The following PIK3CD variants were observed in gnomAD, a reference collection of about 807,000 sequenced individuals.
PIK3CD encodes the protein phosphatidylinositol 4,5-bisphosphate 3-kinase catalytic subunit delta isoform.
Under a neutral mutation model 122.9 loss-of-function variants are expected in PIK3CD, and 20 were observed. The observed-to-expected ratio is 0.16, with a 90% CI of 0.11 to 0.24. The LOEUF is 0.24. Among genes scored for constraint, PIK3CD ranks in the 10% least tolerant of loss-of-function variants. The probability of loss-of-function intolerance (pLI) is 1.00; values close to 1 mark genes in which losing one functional copy is unlikely to be tolerated. For missense variants in PIK3CD, 787 were observed against 1,406.3 expected (o/e 0.56, Z 7.04); for synonymous variants, 596 against 593.4 (o/e 1.00, Z -0.06).
At chr1:9,638,279 C>T in the PIK3CD span, among the ~76,000 whole-genome samples, 1 of 152,020 alleles carries the variant, frequency 6.6e-6, no homozygotes, top group African/African-American at 2.4e-5. Context: ...GATAGATTGC[C>T]ACAGACCATC....
chr1:9,687,638 C>G (rs545660929), intron 1 of PIK3CD: 66 of 152,256 alleles, frequency 4.3e-4, no homozygotes, highest in African/African-American at 1.5e-3. Context: ...CCGCCCTCTC[C>G]CGGGATCTGT....
At chr1:9,659,961 G>A (rs1316542702) in intron 1 of PIK3CD, among the ~76,000 whole-genome samples, 2 of 152,100 alleles carry the variant, frequency 1.3e-5, no homozygotes, top group African/African-American at 4.8e-5. Context: ...TGTTGCCCAG[G>A]CTGGAGTGCA....
chr1:9,722,659 T>A lies in PIK3CD; in HGVS notation c.2426+53T>A. On this transcript the variant is annotated intron_variant, in intron 19 of 23. Transcript: ENST00000377346. This position sits in a 1 kb window ranked among gnomAD's most constrained non-coding sequence, Gnocchi z 7.6. Reference sequence around the variant, plus strand: ...TTGGTGTCTGTGCCCAGCCTGGGAGTCTGTGCCCCTGGAGGGGTCCTTGTT... The same window carrying A: ...TTGGTGTCTGTGCCCAGCCTGGGAGACTGTGCCCCTGGAGGGGTCCTTGTT... 1 of 1,458,444 alleles carries A rather than the reference T, an allele frequency of 6.9e-7. No individual in the cohort carries two copies. The highest frequency in any genetic ancestry group is 1.1e-5 in the South Asian group (1 of 87,692). 90.3% of individuals were successfully genotyped at this position (1,458,444 alleles called of 1,614,324 possible).
chr1:9,634,514 G>T, the PIK3CD span, among the ~76,000 whole-genome samples: 1 of 152,082 alleles, frequency 6.6e-6, no homozygotes, highest in Non-Finnish European at 1.5e-5. Flanking sequence ...GCCCAGGCTG[G>T]TCTCAAACTC....
In PIK3CD at chr1:9,721,030, C is replaced by T. The variant is rs553869651; in HGVS notation, c.1690-97C>T. On this transcript the variant is annotated intron_variant, in intron 13 of 23. Coordinates refer to ENST00000377346, the MANE Select transcript of PIK3CD (RefSeq NM_005026.5). ...TGGCCAACCTTCACCCTGACCCTGG[C>T]CACCCACCACCCTGACCCTGGCTGG... is the stretch of plus-strand genomic sequence containing the variant. The T allele has an allele frequency of 1.5e-5, 21 of 1,426,354 alleles. No individual in the cohort carries two copies. The South Asian group carries it at 2.0e-4, about 14-fold the overall frequency. The allele number at this position is 1,426,354 out of a possible 1,614,324, so 88.4% of individuals were successfully genotyped here. A position where few individuals can be genotyped will look rare whatever the true frequency, so the allele number is the denominator to read the frequency against.
Position 9,718,559 on chromosome 1 carries a change from C to T in PIK3CD, c.1021-135C>T, listed in dbSNP as rs1033414967. On this transcript the variant is annotated intron_variant, in intron 8 of 23. Transcript: ENST00000377346. This position sits in a 1 kb window ranked among gnomAD's most constrained non-coding sequence, Gnocchi z 7.2. ...TGCCCCTCAGGCCTTCCCTGTGCTG[C>T]ACCACCTTCCTTCGTGTGGGAAGTA... 4 of 855,318 alleles carry T rather than the reference C, an allele frequency of 4.7e-6. No individual in the cohort carries two copies. The highest frequency in any genetic ancestry group is 1.7e-5 in the African/African-American group (1 of 60,130). 53.0% of individuals were successfully genotyped at this position (855,318 alleles called of 1,614,324 possible).
At position 9,717,668 on chromosome 1, in the gene PIK3CD, C is replaced by A; in HGVS notation, c.1020+42C>A. 6.3e-7 allele frequency: 1 copy of A among 1,575,350 alleles called. No individual in the cohort carries two copies. The highest frequency in any genetic ancestry group is 8.7e-7 in the Non-Finnish European group (1 of 1,146,352). ...AGGTGGGAGAGACACTGTTTTTTTG[C>A]ACAAACAAGGTGGCTGTATCCTGGA... is the stretch of plus-strand genomic sequence containing the variant. On this transcript the variant is annotated intron_variant, in intron 8 of 23. Transcript: ENST00000377346. The surrounding 1 kb of genome is among the most constrained non-coding windows in gnomAD (Gnocchi z 5.4).
At chr1:9,678,637 C>T (rs1645629984) in intron 1 of PIK3CD, among the ~76,000 whole-genome samples, 1 of 152,182 alleles carries the variant, frequency 6.6e-6, no homozygotes, top group Non-Finnish European at 1.5e-5. Flanking sequence ...TGTTTAGGTC[C>T]AACCTCTAGC....
Position 9,724,841 on chromosome 1 carries a change from C to A in PIK3CD, c.2902C>A (p.Arg968=). The stretch of plus-strand genomic sequence containing the variant: ...CTGTGAAAGGGCCTACACCATCCTG[C>A]GGCGCCACGGGCTTCTCTTCCTCCA... ...GYCERAYTIL[R]RHGLLFLHLF... The change falls in exon 23 of 24, where the codon CGG becomes AGG. Residue 968 remains arginine, a synonymous_variant. Transcript: ENST00000377346. The surrounding 1 kb of genome is among the most constrained non-coding windows in gnomAD (Gnocchi z 7.3). 1.2e-6 allele frequency: 2 copies of A among 1,613,874 alleles called. No homozygotes were observed.
In PIK3CD at chr1:9,723,441, T is replaced by G; in HGVS notation, c.2594+149T>G. The G allele has an allele frequency of 1.2e-6, 1 of 817,858 alleles. No individual in the cohort carries two copies. Among genetic ancestry groups the G allele is most frequent in the Admixed American group, 2.0e-5 (1 of 50,856 alleles). The allele number at this position is 817,858 out of a possible 1,614,324, so 50.7% of individuals were successfully genotyped here. On this transcript the variant is annotated intron_variant, in intron 20 of 23. Transcript: ENST00000377346. The surrounding 1 kb of genome is among the most constrained non-coding windows in gnomAD (Gnocchi z 4.9). ...AGTTGAGGACCAGCCTGTGTCTGGG[T>G]TGGGGTGAGGTAGGTCTCTCTTCCC... is the stretch of plus-strand genomic sequence containing the variant.
chr1:9,686,811 C>G (rs577887396), intron 1 of PIK3CD, among the ~76,000 whole-genome samples: 7 of 152,322 alleles, frequency 4.6e-5, no homozygotes, highest in Admixed American at 2.6e-4. Context: ...GTTGTGCCAC[C>G]TGGGGCAAGT....
chr1:9,700,347 G>A lies in PIK3CD; in HGVS notation c.-33+8776G>A, dbSNP rs1031691980. On this transcript the variant is annotated intron_variant, in intron 2 of 23. Coordinates refer to ENST00000377346, the MANE Select transcript of PIK3CD (RefSeq NM_005026.5). The surrounding 1 kb of genome is among the most constrained non-coding windows in gnomAD (Gnocchi z 5.1). ...AAAGAGCACCAAGGAGAACATTTCA[G>A]GACAGACTGTAAGGGTGGCGTGGTG... Among the ~76,000 whole-genome samples the A allele has an allele frequency of 6.6e-6, 1 of 152,152 alleles. No homozygotes were observed. The highest frequency in any genetic ancestry group is 1.5e-5 in the Non-Finnish European group (1 of 68,022).
chr1:9,705,000 G>A lies in PIK3CD; in HGVS notation c.-32-5424G>A, dbSNP rs956607291. 3.3e-5 allele frequency among the ~76,000 whole-genome samples: 5 copies of A among 152,012 alleles called. No individual in the cohort carries two copies. Among genetic ancestry groups the A allele is most frequent in the African/African-American group, 4.8e-5 (2 of 41,386 alleles). On this transcript the variant is annotated intron_variant, in intron 2 of 23. Coordinates refer to ENST00000377346, the MANE Select transcript of PIK3CD (RefSeq NM_005026.5). The surrounding 1 kb of genome is among the most constrained non-coding windows in gnomAD (Gnocchi z 5.0). ...CTGACGGTGAGGCCTGGGCCCAGCC[G>A]GCGCTGCCACCCAATCAACACCTGC... is the stretch of plus-strand genomic sequence containing the variant.
At chr1:9,684,547 A>G (rs545738801) in intron 1 of PIK3CD, among the ~76,000 whole-genome samples, 2 of 149,574 alleles carry the variant, frequency 1.3e-5, no homozygotes, top group African/African-American at 2.5e-5. Flanking sequence ...AAAAAAAAAA[A>G]AAAAAGAAAA....
intron 1 of PIK3CD, among the ~76,000 whole-genome samples, chr1:9,684,565 A>G (rs1645892822): frequency 6.7e-6 from 1 of 149,526 alleles, no homozygotes; most frequent in African/African-American, 2.5e-5. Flanking sequence ...AAAAAGAAAG[A>G]GCAATGCAGT....
chr1:9,703,627 G>T (rs552928406), intron 2 of PIK3CD, among the ~76,000 whole-genome samples: 3 of 152,168 alleles, frequency 2.0e-5, no homozygotes, highest in Admixed American at 2.0e-4. Context: ...TTTGTGGGCA[G>T]CTGCTTTTGC....
chr1:9,719,091 A>G lies in PIK3CD; in HGVS notation c.1242+176A>G, dbSNP rs1648048032. 6.6e-6 allele frequency among the ~76,000 whole-genome samples: 1 copy of G among 152,198 alleles called. No homozygotes were observed. The highest frequency in any genetic ancestry group is 2.1e-4 in the South Asian group (1 of 4,826). ...CTAGTCTGGCCACCAGCCCTGCTCG[A>G]GGGACACTCTGGGCTCCTGGGCTCC... On this transcript the variant is annotated intron_variant, in intron 9 of 23. Transcript: ENST00000377346. This position sits in a 1 kb window ranked among gnomAD's most constrained non-coding sequence, Gnocchi z 5.5.
chr1:9,637,426 G>A, the PIK3CD span, among the ~76,000 whole-genome samples: 2 of 152,188 alleles, frequency 1.3e-5, no homozygotes, highest in African/African-American at 4.8e-5. Context: ...CTACTCCACA[G>A]GATCACTTGA....
rs572379980 is a variant in PIK3CD at position 9,682,322 on chromosome 1, A to C, written c.-137-9145A>C. ...GAGTGCAGTGGCGCCATCTCAGCTCACTACAACCTCCGCCTCCAGGGTTCT... is the reference window on the plus strand; with the variant it reads ...GAGTGCAGTGGCGCCATCTCAGCTCCCTACAACCTCCGCCTCCAGGGTTCT... On this transcript the variant is annotated intron_variant, in intron 1 of 23. Transcript: ENST00000377346. Among the ~76,000 whole-genome samples, 10 of 151,754 alleles carry C rather than the reference A, an allele frequency of 6.6e-5. No individual in the cohort carries two copies. In the East Asian group the frequency reaches 1.9e-3, roughly 30 times the overall value.
Sources: gnomAD v4.1 joint callset for allele counts (sites outside exome capture counted in the v4.1 genomes callset) on GRCh38, gnomAD v4.1.1 for gene constraint, Gnocchi (gnomAD v3.1) non-coding constraint, MANE v1.5 for transcripts, NCBI Gene and HGNC (gene_info 2026-07-23, HGNC 2026-07-21) for gene names.